EEFSEC: variants seen among roughly 807,000 people sequenced by gnomAD.
EEFSEC encodes eukaryotic elongation factor, selenocysteine-tRNA specific, also known as selenocysteine-specific elongation factor.
EEFSEC carries 43 observed loss-of-function variants against 42.1 expected under a neutral mutation model. The ratio of observed to expected loss-of-function variants is 1.02; its 90% CI spans 0.80 to 1.32. EEFSEC has a LOEUF of 1.32. Among genes scored for constraint, EEFSEC ranks in the 40% most tolerant of loss-of-function variants. EEFSEC has a pLI of 0.00. For missense variants in EEFSEC, 745 were observed against 803.6 expected (o/e 0.93, Z 0.88); for synonymous variants, 354 against 339.1 (o/e 1.04, Z -0.48).
At chr3:128,330,420 G>A (rs999145643) in intron 4 of EEFSEC, among the ~76,000 whole-genome samples, 1 of 152,198 alleles carries the variant, frequency 6.6e-6, no homozygotes, top group Admixed American at 6.5e-5. Context: ...ACCTGGGGCT[G>A]TCTGCCCGAT....
At chr3:128,367,832 A>G in intron 6 of EEFSEC, 1 of 985,294 alleles carries the variant, frequency 1.0e-6, no homozygotes, top group Non-Finnish European at 1.2e-6. Flanking sequence ...CACCCATTTC[A>G]TCTGGAATGC....
intron 1 of EEFSEC, among the ~76,000 whole-genome samples, chr3:128,243,912 A>G (rs371647576): frequency 2.0e-5 from 3 of 152,212 alleles, no homozygotes; most frequent in African/African-American, 7.2e-5. Context: ...TGAGCAGTCA[A>G]CGGACTTCCC....
chr3:128,241,004 G>T (rs999279125), intron 1 of EEFSEC, among the ~76,000 whole-genome samples: 1 of 152,162 alleles, frequency 6.6e-6, no homozygotes, highest in African/African-American at 2.4e-5. Flanking sequence ...AAACCTGCCC[G>T]TTTTGTCCTG....
At chr3:128,260,945 G>A (rs1257319211) in intron 2 of EEFSEC, among the ~76,000 whole-genome samples, 4 of 137,110 alleles carry the variant, frequency 2.9e-5, no homozygotes, top group South Asian at 2.4e-4. Context: ...TGTACCCCAC[G>A]AATTCATCCC....
chr3:128,353,597 G>A (rs1214665670), intron 5 of EEFSEC, among the ~76,000 whole-genome samples: 1 of 152,226 alleles, frequency 6.6e-6, no homozygotes, highest in Non-Finnish European at 1.5e-5. Flanking sequence ...CGGACTTCTA[G>A]GCCCATTTGT....
chr3:128,157,655 A>G (rs974692846), intron 1 of EEFSEC, among the ~76,000 whole-genome samples: 1 of 152,240 alleles, frequency 6.6e-6, no homozygotes, highest in African/African-American at 2.4e-5. Flanking sequence ...TGTTTATAGC[A>G]TGGTTTACTG....
intron 6 of EEFSEC, among the ~76,000 whole-genome samples, chr3:128,369,711 G>A (rs752282102): frequency 2.6e-5 from 4 of 152,210 alleles, no homozygotes; most frequent in Admixed American, 6.5e-5. Context: ...GGGTTATCTT[G>A]AGGACTTTCC....
At chr3:128,226,931 C>T (rs930169335) in intron 1 of EEFSEC, among the ~76,000 whole-genome samples, 1 of 152,174 alleles carries the variant, frequency 6.6e-6, no homozygotes, top group Non-Finnish European at 1.5e-5. Flanking sequence ...AAGGAGAGCC[C>T]ACTAAGGTGG....
At chr3:128,333,002 CTT>C (rs1406820860) in intron 4 of EEFSEC, among the ~76,000 whole-genome samples, 1 of 152,218 alleles carries the variant, frequency 6.6e-6, no homozygotes, top group Admixed American at 6.5e-5. Context: ...GCCTGAACCT[CTT>C]TGAATTGAAG....
intron 4 of EEFSEC, among the ~76,000 whole-genome samples, chr3:128,278,565 A>T (rs2066491462): frequency 1.3e-5 from 2 of 152,194 alleles, no homozygotes; most frequent in Admixed American, 6.5e-5. Context: ...GAAGTTTGGG[A>T]TAGGACATAT....
At chr3:128,334,077 G>A (rs2067163335) in intron 4 of EEFSEC, among the ~76,000 whole-genome samples, 1 of 152,218 alleles carries the variant, frequency 6.6e-6, no homozygotes, top group African/African-American at 2.4e-5. Context: ...CAGGGAGAGG[G>A]CTGCTGCTGA....
At chr3:128,372,284 G>T (rs1374096727) in intron 6 of EEFSEC, among the ~76,000 whole-genome samples, 2 of 152,132 alleles carry the variant, frequency 1.3e-5, no homozygotes, top group South Asian at 2.1e-4. Flanking sequence ...GAAATCAGAG[G>T]CCGGCCCATG....
intron 1 of EEFSEC, among the ~76,000 whole-genome samples, chr3:128,157,091 C>A (rs1222138321): frequency 2.0e-5 from 3 of 152,184 alleles, no homozygotes; most frequent in Non-Finnish European, 2.9e-5. Flanking sequence ...AGCAAGACAG[C>A]TTTATTGCTT....
intron 6 of EEFSEC, among the ~76,000 whole-genome samples, chr3:128,390,002 G>C (rs1375697932): frequency 6.6e-6 from 1 of 152,222 alleles, no homozygotes; most frequent in African/African-American, 2.4e-5. Context: ...CTGGAGGCAG[G>C]GAGGCCCAGT....
At chr3:128,325,120 G>A (rs1422284954) in intron 4 of EEFSEC, among the ~76,000 whole-genome samples, 2 of 152,226 alleles carry the variant, frequency 1.3e-5, no homozygotes, top group African/African-American at 4.8e-5. Context: ...TCATCCCAGA[G>A]TGGACCTGGA....
intron 1 of EEFSEC, among the ~76,000 whole-genome samples, chr3:128,176,367 C>T (rs1451727087): frequency 1.3e-5 from 2 of 151,778 alleles, no homozygotes; most frequent in Non-Finnish European, 2.9e-5. Flanking sequence ...ATTGTGAGTG[C>T]AGTTAGAGTT....
At chr3:128,261,797 T>C (rs1364708667) in intron 2 of EEFSEC, among the ~76,000 whole-genome samples, 1 of 152,218 alleles carries the variant, frequency 6.6e-6, no homozygotes, top group Non-Finnish European at 1.5e-5. Context: ...ATTGGTCTTC[T>C]TCAAGGAGGT....
intron 6 of EEFSEC, among the ~76,000 whole-genome samples, chr3:128,374,100 T>C (rs2067683728): frequency 1.3e-5 from 2 of 152,156 alleles, no homozygotes; most frequent in Admixed American, 6.5e-5. Flanking sequence ...TGTCTATCAT[T>C]AGCTCTGGAG....
the EEFSEC span, among the ~76,000 whole-genome samples, chr3:128,419,941 G>A: frequency 6.6e-6 from 1 of 152,198 alleles, no homozygotes; most frequent in Admixed American, 6.5e-5. Flanking sequence ...TGAGTCCTGT[G>A]ATGGCCGCAG....
Sources: gnomAD v4.1 joint callset for allele counts (sites outside exome capture counted in the v4.1 genomes callset) on GRCh38, gnomAD v4.1.1 for gene constraint, MANE v1.5 for transcripts, NCBI Gene and HGNC (gene_info 2026-07-23, HGNC 2026-07-21) for gene names.